SRRM1: variants seen among roughly 807,000 people sequenced by gnomAD.
SRRM1 encodes the protein serine/arginine repetitive matrix protein 1.
Under a neutral mutation model 110.2 loss-of-function variants are expected in SRRM1, and 19 were observed. That is an observed-to-expected ratio of 0.17 (90% CI 0.12 to 0.25). The LOEUF is 0.25. SRRM1 is among the 10% of genes least tolerant of loss of function. The probability of loss-of-function intolerance (pLI) is 1.00; values close to 1 mark genes in which losing one functional copy is unlikely to be tolerated. For missense variants in SRRM1, 918 were observed against 1,145.8 expected (o/e 0.80, Z 2.87); for synonymous variants, 443 against 414.9 (o/e 1.07, Z -0.82).
intron 8 of SRRM1, among the ~76,000 whole-genome samples, chr1:24,653,990 T>G (rs1662576439): frequency 6.6e-6 from 1 of 152,098 alleles, no homozygotes; most frequent in Admixed American, 6.5e-5. Context: ...TGGGGAGGGG[T>G]TGTTAAGATA....
chr1:24,646,497 T>G (rs1657691584), intron 2 of SRRM1, among the ~76,000 whole-genome samples, 170 bp from the exon 3 acceptor site: 1 of 145,800 alleles, frequency 6.9e-6, no homozygotes, highest in Non-Finnish European at 1.5e-5. Flanking sequence ...CACTCCAGCC[T>G]GGGCAAGAGT....
intron 3 of SRRM1, 45 bp from the exon 4 acceptor site, chr1:24,648,814 G>A (rs190256088): frequency 8.2e-6 from 13 of 1,576,106 alleles, no homozygotes; most frequent in Non-Finnish European, 1.1e-5. Context: ...TTGGTTGGTT[G>A]GTTTTGAAGT....
At chr1:24,656,275 A>T (rs1164804873) in intron 9 of SRRM1, among the ~76,000 whole-genome samples, 1 of 152,216 alleles carries the variant, frequency 6.6e-6, no homozygotes, top group African/African-American at 2.4e-5. Flanking sequence ...TATCTGTGAC[A>T]ATGAGGCATA....
In SRRM1 at chr1:24,672,320, G is replaced by T. The variant is rs1307919729; in HGVS notation, c.*34G>T. On this transcript the variant is annotated 3_prime_UTR_variant, in exon 17 of 17. Coordinates refer to ENST00000323848, the MANE Select transcript of SRRM1 (RefSeq NM_005839.4). ...GTTTGTTATGATGTAAATTTTATTT[G>T]GTTTGTACGCAGTTCAATTTCAAAA... 5 of 1,482,422 alleles carry T rather than the reference G, an allele frequency of 3.4e-6. No homozygotes were observed. Among genetic ancestry groups the T allele is most frequent in the South Asian group, 1.2e-5 (1 of 82,590 alleles). 91.8% of individuals were successfully genotyped at this position (1,482,422 alleles called of 1,614,324 possible).
chr1:24,664,468 C>T (rs1668890270), intron 12 of SRRM1, among the ~76,000 whole-genome samples: 1 of 152,236 alleles, frequency 6.6e-6, no homozygotes, highest in East Asian at 1.9e-4. Context: ...TAGACCTATA[C>T]ATTTGGCATT....
intron 1 of SRRM1, among the ~76,000 whole-genome samples, chr1:24,644,641 C>T (rs1387242776): frequency 6.6e-6 from 1 of 152,144 alleles, no homozygotes; most frequent in Non-Finnish European, 1.5e-5. Context: ...TGTTCTTAGG[C>T]AAACAGTAAG....
intron 9 of SRRM1, among the ~76,000 whole-genome samples, chr1:24,656,252 C>CT (rs1441277685): frequency 6.6e-6 from 1 of 152,160 alleles, no homozygotes; most frequent in Admixed American, 6.5e-5. Context: ...GCAAATTTTG[C>CT]TTTCCTTTTT....
chr1:24,661,011 T>G (rs758672013), intron 10 of SRRM1: 13 of 538,898 alleles, frequency 2.4e-5, no homozygotes, highest in Non-Finnish European at 3.3e-5. Context: ...TGAGCCTTTC[T>G]TCTTTCATCT....
At chr1:24,671,644 G>A (rs1672788063) in intron 16 of SRRM1, 49 bp downstream of exon 16, 3 of 1,491,244 alleles carry the variant, frequency 2.0e-6, no homozygotes, top group South Asian at 2.6e-5. Flanking sequence ...CGTACAGATA[G>A]CAAAGTCATT....
At chr1:24,651,887 T>G (rs887638041) in intron 6 of SRRM1, among the ~76,000 whole-genome samples, 6 of 151,110 alleles carry the variant, frequency 4.0e-5, no homozygotes, top group African/African-American at 1.5e-4. Flanking sequence ...CTTCGCACTT[T>G]TAAGAAATGT....
chr1:24,654,887 G>A lies in SRRM1; in HGVS notation c.1073G>A (p.Ser358Asn), dbSNP rs1173756929. ...CGTTCGTCAGCATCCTTGTCTGGGA[G>A]TAGCTCATCATCCTCTTCATCTCGT... ...RRRSSASLSG[S>N]SSSSSSSRSR... Residue 358 changes from serine (S) to asparagine (N), a missense_variant, in exon 9 of 17, where the codon AGT (serine) becomes AAT (asparagine). Physicochemically the swap from Ser to Asn is conservative, Grantham distance 46 (BLOSUM62 1). Transcript: ENST00000323848. 1.2e-6 allele frequency: 2 copies of A among 1,614,200 alleles called. No homozygotes were observed. The highest frequency in any genetic ancestry group is 1.7e-6 in the Non-Finnish European group (2 of 1,180,030).
At chr1:24,670,071 A>C (rs1335834585) in intron 14 of SRRM1, 49 bp from the exon 15 acceptor site, 1 of 1,484,316 alleles carries the variant, frequency 6.7e-7, no homozygotes, top group Non-Finnish European at 9.0e-7. Flanking sequence ...TTCTCATGTG[A>C]AGAGAGATGG....
At chr1:24,655,277 C>G (rs946843111) in intron 9 of SRRM1, 148 bp downstream of exon 9, 7 of 974,894 alleles carry the variant, frequency 7.2e-6, no homozygotes, top group Non-Finnish European at 1.0e-5. Context: ...ATAAGCCTAC[C>G]TCTTTCCTGC....
At chr1:24,666,541 C>G (rs997656892) in intron 12 of SRRM1, 1 of 318,536 alleles carries the variant, frequency 3.1e-6, no homozygotes, top group Non-Finnish European at 5.9e-6. Context: ...GCAGGCAGAT[C>G]ACCTGAGGTC....
intron 8 of SRRM1, 60 bp downstream of exon 8, chr1:24,653,092 T>C (rs940301716): frequency 1.1e-5 from 16 of 1,520,626 alleles, no homozygotes; most frequent in Non-Finnish European, 1.2e-5. Flanking sequence ...ATCTTTCTTT[T>C]AGGATAATCT....
chr1:24,645,897 C>T (rs1482922242), intron 1 of SRRM1, 87 bp from the exon 2 acceptor site: 6 of 993,190 alleles, frequency 6.0e-6, no homozygotes, highest in Non-Finnish European at 9.2e-6. Context: ...TACTTGGTTA[C>T]CCTATTTTGG....
At chr1:24,647,375 G>T (rs928522081) in intron 3 of SRRM1, 1 of 152,540 alleles carries the variant, frequency 6.6e-6, no homozygotes, top group African/African-American at 2.4e-5. Context: ...TGTTTTTAAA[G>T]GAACTAAGGT....
intron 1 of SRRM1, chr1:24,643,630 TGGCGGGG>T (rs1655238722): frequency 2.6e-6 from 1 of 381,660 alleles, no homozygotes; most frequent in Non-Finnish European, 4.7e-6. Flanking sequence ...CCCGCCTGCC[TGGCGGGG>T]CCTGCAGGCC....
In SRRM1 at chr1:24,669,460, A is replaced by G. The variant is rs1486347474; in HGVS notation, c.2077A>G (p.Thr693Ala). 1 of 1,613,874 alleles carries G rather than the reference A, an allele frequency of 6.2e-7. No homozygotes were observed. Among genetic ancestry groups the G allele is most frequent in the East Asian group, 2.2e-5 (1 of 44,856 alleles). ...CTCACCACGGCCTCGAGCTCCTCAG[A>G]CCTCCTCAAGTCCTCCACCCGTTCG... ...SPSPRPRAPQ[T>A]SSSPPPVRRG... Residue 693 changes from threonine to alanine, a missense_variant, in exon 14 of 17, where the codon ACC becomes GCC. This residue lies in a region of SRRM1 where 357 missense variants were observed against 402.9 expected (regional missense o/e 0.89). Transcript: ENST00000323848.
Sources: gnomAD v4.1 joint callset for allele counts (sites outside exome capture counted in the v4.1 genomes callset) on GRCh38, gnomAD v4.1.1 for gene constraint, gnomAD v4.1.1 regional missense constraint, MANE v1.5 for transcripts, NCBI Gene and HGNC (gene_info 2026-07-23, HGNC 2026-07-21) for gene names.